The following ARL6IP6 variants were observed in gnomAD, a reference collection of about 807,000 sequenced individuals.
ARL6IP6 encodes the protein ADP-ribosylation factor-like protein 6-interacting protein 6.
In ARL6IP6, 22 loss-of-function variants were observed where a neutral mutation model predicts 21.5. The ratio of observed to expected loss-of-function variants is 1.02; its 90% confidence interval spans 0.73 to 1.46. ARL6IP6 has a LOEUF of 1.46. Ranked by LOEUF, ARL6IP6 falls within the 40% of genes most tolerant of loss-of-function variation. The pLI is 0.00. For synonymous variants in ARL6IP6, 164 were observed against 125.3 expected (o/e 1.31, Z -2.06); for missense variants, 388 against 299.8 (o/e 1.29, Z -2.17).
chr2:152,725,069 A>C (rs1425734736), intron 2 of ARL6IP6, among the ~76,000 whole-genome samples: 1 of 152,128 alleles, frequency 6.6e-6, no homozygotes, highest in Non-Finnish European at 1.5e-5. Context: ...AATTATTTCG[A>C]GCAGTTCTGT....
Position 152,735,000 on chromosome 2 carries a change from G to A in ARL6IP6, c.461G>A (p.Trp154Ter). 1 of 1,612,454 alleles carries A rather than the reference G, an allele frequency of 6.2e-7. No homozygotes were observed. Among genetic ancestry groups the A allele is most frequent in the Non-Finnish European group, 8.5e-7 (1 of 1,178,676 alleles). The change falls in exon 3 of 4, where the codon TGG becomes TAG. Residue 154 changes from tryptophan to a stop codon, truncating the protein, a stop_gained. Coordinates refer to ENST00000326446, the MANE Select transcript of ARL6IP6 (RefSeq NM_152522.7). LOFTEE classifies it high-confidence loss of function. ...CCTCTCTTTTCCTGTTAAGGATTCT[G>A]GACTCTACTTATAATATCCCTAACT... is the stretch of plus-strand genomic sequence containing the variant. The part of the protein sequence containing the change: ...DDVDTGLLGF[W>*]TLLIISLTAG...
At chr2:152,724,811 G>A (rs1043008276) in intron 2 of ARL6IP6, among the ~76,000 whole-genome samples, 6 of 152,040 alleles carry the variant, frequency 3.9e-5, no homozygotes, top group Non-Finnish European at 8.8e-5. Flanking sequence ...TTTTTGACAA[G>A]TTTTGAGTTG....
intron 3 of ARL6IP6, among the ~76,000 whole-genome samples, chr2:152,738,198 G>A (rs1272059710): frequency 1.3e-5 from 2 of 152,216 alleles, no homozygotes; most frequent in Non-Finnish European, 2.9e-5. Context: ...TGAAAGAGGT[G>A]GGTTTCCATG....
rs1484631081 is a variant in ARL6IP6, at chr2:152,762,337, A to G, written c.*2497A>G. On this transcript the variant is annotated 3_prime_UTR_variant, in exon 4 of 4. Coordinates refer to ENST00000326446, the MANE Select transcript of ARL6IP6 (RefSeq NM_152522.7). Reference sequence around the variant, plus strand: ...ACCCTGGTCCCTGAAGCCCAGTGGCAATCCTGCCATTCTTGATACGTGAGT... The same window carrying G: ...ACCCTGGTCCCTGAAGCCCAGTGGCGATCCTGCCATTCTTGATACGTGAGT... Among the ~76,000 whole-genome samples the G allele has an allele frequency of 6.6e-6, 1 of 152,242 alleles. No homozygotes were observed. The highest frequency in any genetic ancestry group is 1.5e-5 in the Non-Finnish European group (1 of 68,042).
intron 2 of ARL6IP6, 109 bp from the exon 3 acceptor site, chr2:152,734,885 A>G (rs2105128618): frequency 2.6e-6 from 3 of 1,144,596 alleles, no homozygotes; most frequent in Non-Finnish European, 3.7e-6. Flanking sequence ...TCAGATCCAT[A>G]TAATTTAGAA....
At position 152,735,107 on chromosome 2, in the gene ARL6IP6, C is replaced by G; in HGVS notation, c.568C>G (p.Leu190Val). The part of the protein sequence containing the change: ...FEPGMFPPTP[L>V]SPARFKKLTG... ...ACCAGGAATGTTTCCTCCTACTCCT[C>G]TTTCACCTGCCAGGTTCAAGTAAGT... The change falls in exon 3 of 4, where the codon CTT becomes GTT. Residue 190 changes from leucine to valine, a missense_variant. By Grantham distance (32) the Leu-to-Val change is conservative (BLOSUM62 1). Coordinates refer to ENST00000326446, the MANE Select transcript of ARL6IP6 (RefSeq NM_152522.7). The G allele has an allele frequency of 1.2e-6, 2 of 1,613,776 alleles. No individual in the cohort carries two copies. The highest frequency in any genetic ancestry group is 1.7e-6 in the Non-Finnish European group (2 of 1,179,800).
chr2:152,717,977 C>A (rs760866763), upstream of ARL6IP6: 17 of 1,000,338 alleles, frequency 1.7e-5, no homozygotes, highest in Non-Finnish European at 2.0e-5. Flanking sequence ...GGAGAGGGTT[C>A]GATCTCCGTA....
intron 3 of ARL6IP6, among the ~76,000 whole-genome samples, chr2:152,758,937 C>T (rs1701708775): frequency 6.6e-6 from 1 of 152,138 alleles, no homozygotes; most frequent in African/African-American, 2.4e-5. Flanking sequence ...CCTGTGTGTC[C>T]TCAATTTGTT....
chr2:152,736,925 T>C (rs987025381), intron 3 of ARL6IP6, among the ~76,000 whole-genome samples: 1 of 152,134 alleles, frequency 6.6e-6, no homozygotes, highest in Non-Finnish European at 1.5e-5. Flanking sequence ...TGGATTTTGG[T>C]GTTTGTGGGA....
At chr2:152,749,227 A>G (rs2105171050) in intron 3 of ARL6IP6, among the ~76,000 whole-genome samples, 1 of 152,180 alleles carries the variant, frequency 6.6e-6, no homozygotes, top group African/African-American at 2.4e-5. Flanking sequence ...CTAGATATAA[A>G]TAATGGAAGT....
At chr2:152,717,697 C>G, upstream of ARL6IP6, 4 of 1,398,250 alleles carry the variant, frequency 2.9e-6, no homozygotes, top group South Asian at 6.1e-5. Context: ...AAAACTCTAC[C>G]AACTTCCCCA....
At chr2:152,745,653 T>A (rs1003701739) in intron 3 of ARL6IP6, among the ~76,000 whole-genome samples, 8 of 152,196 alleles carry the variant, frequency 5.3e-5, no homozygotes, top group African/African-American at 1.9e-4. Flanking sequence ...CATGAACTAA[T>A]GAAACAGATG....
intron 2 of ARL6IP6, among the ~76,000 whole-genome samples, chr2:152,723,391 T>C (rs1328794932): frequency 6.6e-6 from 1 of 152,238 alleles, no homozygotes; most frequent in Non-Finnish European, 1.5e-5. Context: ...TAATAATGTT[T>C]GATTGTTTTG....
At chr2:152,718,195 G>T, upstream of ARL6IP6, 1 of 522,928 alleles carries the variant, frequency 1.9e-6, no homozygotes, top group Non-Finnish European at 2.5e-6. Flanking sequence ...AGACAAATAG[G>T]TTCGGGAATG....
chr2:152,742,636 C>CT (rs982281864), intron 3 of ARL6IP6, among the ~76,000 whole-genome samples: 4 of 147,516 alleles, frequency 2.7e-5, no homozygotes, highest in Admixed American at 2.7e-4. Context: ...GGCAGCAGAA[C>CT]TTTAAAGTCC....
chr2:152,752,829 C>T (rs1701400241), intron 3 of ARL6IP6, among the ~76,000 whole-genome samples: 1 of 152,134 alleles, frequency 6.6e-6, no homozygotes, highest in African/African-American at 2.4e-5. Context: ...CTTTTCCTTT[C>T]AGTTTAGCTT....
At chr2:152,737,814 G>A (rs2105137394) in intron 3 of ARL6IP6, among the ~76,000 whole-genome samples, 1 of 152,150 alleles carries the variant, frequency 6.6e-6, no homozygotes, top group East Asian at 1.9e-4. Flanking sequence ...GATTTGGGTG[G>A]GGCACAGCCA....
At chr2:152,718,233 G>C (rs1489263979), upstream of ARL6IP6, 1 of 352,806 alleles carries the variant, frequency 2.8e-6, no homozygotes, top group Non-Finnish European at 4.1e-6. Flanking sequence ...GCGGGCGCTA[G>C]GACCCGGCGT....
At chr2:152,739,080 T>C (rs1236778503) in intron 3 of ARL6IP6, among the ~76,000 whole-genome samples, 1 of 152,006 alleles carries the variant, frequency 6.6e-6, no homozygotes, top group Non-Finnish European at 1.5e-5. Context: ...CCTCCTGGGT[T>C]CATGCCATTC....
Sources: gnomAD v4.1 joint callset for allele counts (sites outside exome capture counted in the v4.1 genomes callset) on GRCh38, gnomAD v4.1.1 for gene constraint, MANE v1.5 for transcripts, NCBI Gene and HGNC (gene_info 2026-07-23, HGNC 2026-07-21) for gene names.